The following SPEF2 variants were observed in gnomAD, a reference collection of about 807,000 sequenced individuals.
The protein encoded by SPEF2 is sperm flagella and cilia-associated protein 2.
A neutral mutation model predicts 224.6 loss-of-function variants in SPEF2; 187 were observed. The observed-to-expected ratio is 0.83, with a 90% confidence interval of 0.74 to 0.94. The LOEUF (loss-of-function observed/expected upper bound fraction) is 0.94, where lower values mean the gene tolerates loss of function less well. Ranked by LOEUF, SPEF2 falls within the 40% of genes least tolerant of loss-of-function variation. The pLI is 0.00. For synonymous variants in SPEF2, 715 were observed against 707.3 expected (o/e 1.01, Z -0.17); for missense variants, 2,170 against 2,135.6 (o/e 1.02, Z -0.32).
chr5:35,756,158 T>G (rs1262858875), intron 24 of SPEF2, among the ~76,000 whole-genome samples: 1 of 152,202 alleles, frequency 6.6e-6, no homozygotes, highest in African/African-American at 2.4e-5. Context: ...TCATTCTGTC[T>G]CGCTCAGAAT....
chr5:35,709,337 A>G, intron 19 of SPEF2: 2 of 1,377,602 alleles, frequency 1.5e-6, no homozygotes, highest in South Asian at 1.6e-5. Flanking sequence ...GGAGACATGG[A>G]GTCATCACAC....
At chr5:35,732,192 T>C (rs1335900827) in intron 21 of SPEF2, among the ~76,000 whole-genome samples, 1 of 152,176 alleles carries the variant, frequency 6.6e-6, no homozygotes, top group Non-Finnish European at 1.5e-5. Flanking sequence ...ACCATAGATG[T>C]AGTATCTCTT....
chr5:35,808,881 C>CATATATATATATATAT lies in SPEF2; in HGVS notation c.5379+1632_5379+1647dup, dbSNP rs34389759. ...ATATATGTAAAAAAATTGGGTTTTA[C>CATATATATATATATAT]ATATATATATATATATATAAAACAA... is the stretch of plus-strand genomic sequence containing the variant. On this transcript the variant is annotated intron_variant, in intron 36 of 36. Coordinates refer to ENST00000356031, the MANE Select transcript of SPEF2 (RefSeq NM_024867.4). Among the ~76,000 whole-genome samples, 139 of 143,324 alleles carry CATATATATATATATAT rather than the reference C, an allele frequency of 9.7e-4. 1 individual carries two copies. The highest frequency in any genetic ancestry group is 3.0e-3 in the Admixed American group (42 of 14,124). 94.0% of individuals were successfully genotyped at this position (143,324 alleles called of 152,430 possible). A position where few individuals can be genotyped will look rare whatever the true frequency, so the allele number is the denominator to read the frequency against.
rs774221694 is a variant in SPEF2 at position 35,659,169 on chromosome 5, C to T, written c.1129C>T (p.Arg377Ter). 1.3e-5 allele frequency: 21 copies of T among 1,611,658 alleles called. No individual in the cohort carries two copies. Among genetic ancestry groups the T allele is most frequent in the Middle Eastern group, 1.6e-4 (1 of 6,076 alleles). ...CAGAGAAAAACAACATGAGGAAAGA[C>T]GACTTAAAGATTTCCAGGATGCTCT... ...IFREKQHEER[R>*]LKDFQDALDR... Residue 377 changes from arginine to a stop codon, truncating the protein, a stop_gained, in exon 8 of 37, where the codon CGA (arginine) becomes TGA (stop). Transcript: ENST00000356031. LOFTEE classifies it high-confidence loss of function.
chr5:35,750,020 A>G (rs759930403), intron 23 of SPEF2, among the ~76,000 whole-genome samples: 25 of 152,210 alleles, frequency 1.6e-4, no homozygotes, highest in Non-Finnish European at 3.2e-4. Flanking sequence ...AGACCAATGG[A>G]ACAGAATAGA....
At chr5:35,750,532 T>C (rs1194797355) in intron 23 of SPEF2, among the ~76,000 whole-genome samples, 1 of 152,000 alleles carries the variant, frequency 6.6e-6, no homozygotes, top group Non-Finnish European at 1.5e-5. Context: ...AAGTGAGCTA[T>C]GGATATAAAT....
At chr5:35,784,980 T>G (rs1056867402) in intron 30 of SPEF2, among the ~76,000 whole-genome samples, 3 of 152,188 alleles carry the variant, frequency 2.0e-5, no homozygotes, top group African/African-American at 7.2e-5. Flanking sequence ...TATGGATTTT[T>G]CCAGGCTTAG....
intron 30 of SPEF2, chr5:35,788,286 G>A (rs772691225): frequency 2.8e-5 from 20 of 702,772 alleles, no homozygotes; most frequent in Admixed American, 1.8e-4. Context: ...AAGACCGGAC[G>A]TCCCCTCAAA....
At chr5:35,695,506 G>A (rs1030828521) in intron 13 of SPEF2, among the ~76,000 whole-genome samples, 6 of 151,998 alleles carry the variant, frequency 3.9e-5, no homozygotes, top group Non-Finnish European at 5.9e-5. Context: ...GGAAGGGAGG[G>A]AGGTAGGGAG....
intron 29 of SPEF2, among the ~76,000 whole-genome samples, chr5:35,778,191 C>G (rs1405001734): frequency 2.6e-5 from 4 of 152,082 alleles, no homozygotes. Context: ...CTGTGTTGCT[C>G]ACTTTCATTG....
In SPEF2 at chr5:35,757,066, T is replaced by G. The variant is rs112770939; in HGVS notation, c.3469-2502T>G. Among the ~76,000 whole-genome samples the G allele has an allele frequency of 3.6e-3, 543 of 152,092 alleles. 1 individual carries two copies. The highest frequency in any genetic ancestry group is 0.012 in the African/African-American group (490 of 41,542). ...ATCTTGTTTACTATTAAAAATATTG[T>G]TTTTAATAACTATTAAAAATATTGT... On this transcript the variant is annotated intron_variant, in intron 24 of 36. Transcript: ENST00000356031.
At chr5:35,662,346 G>A (rs770319961) in intron 8 of SPEF2, among the ~76,000 whole-genome samples, 1 of 152,110 alleles carries the variant, frequency 6.6e-6, no homozygotes, top group Non-Finnish European at 1.5e-5. Context: ...CAGATGCATA[G>A]TTTGTAAAAA....
chr5:35,741,612 G>A (rs985926407), intron 23 of SPEF2, among the ~76,000 whole-genome samples: 3 of 152,194 alleles, frequency 2.0e-5, no homozygotes, highest in Non-Finnish European at 4.4e-5. Flanking sequence ...AGAGTCTGCA[G>A]TAGAGTAAAA....
chr5:35,719,981 A>T (rs988637235), intron 20 of SPEF2, among the ~76,000 whole-genome samples: 1 of 152,140 alleles, frequency 6.6e-6, no homozygotes, highest in Non-Finnish European at 1.5e-5. Flanking sequence ...GCGTAGACGA[A>T]GGTATGAGCC....
chr5:35,813,503 A>G (rs1222424802), intron 36 of SPEF2, among the ~76,000 whole-genome samples: 2 of 152,190 alleles, frequency 1.3e-5, no homozygotes, highest in East Asian at 3.8e-4. Context: ...AAAAAAAATA[A>G]ATAATAAATG....
intron 16 of SPEF2, among the ~76,000 whole-genome samples, chr5:35,703,148 CTA>C (rs1491579145): frequency 1.6e-5 from 2 of 126,882 alleles, no homozygotes; most frequent in South Asian, 2.5e-4. Context: ...AAGGGTCTCT[CTA>C]TATATATATG....
At chr5:35,752,059 C>T (rs1308130008) in intron 23 of SPEF2, among the ~76,000 whole-genome samples, 2 of 152,140 alleles carry the variant, frequency 1.3e-5, no homozygotes, top group Non-Finnish European at 2.9e-5. Context: ...ACATCTCTCA[C>T]ATTTGTAGTT....
intron 10 of SPEF2, among the ~76,000 whole-genome samples, chr5:35,680,481 C>T (rs577788371): frequency 1.3e-5 from 2 of 152,278 alleles, no homozygotes; most frequent in East Asian, 3.9e-4. Context: ...ATTCCGTTCA[C>T]ATATATTGAG....
chr5:35,660,840 A>G (rs2149452572), intron 8 of SPEF2, among the ~76,000 whole-genome samples: 1 of 152,282 alleles, frequency 6.6e-6, no homozygotes, highest in African/African-American at 2.4e-5. Context: ...TCTTTCTTGA[A>G]CTGGGGTTGA....
Sources: gnomAD v4.1 joint callset for allele counts (sites outside exome capture counted in the v4.1 genomes callset) on GRCh38, gnomAD v4.1.1 for gene constraint, MANE v1.5 for transcripts, NCBI Gene and HGNC (gene_info 2026-07-23, HGNC 2026-07-21) for gene names.